KLK6: variants seen among roughly 807,000 people sequenced by gnomAD.
KLK6 encodes the protein kallikrein related peptidase 6.
In KLK6, 16 loss-of-function variants were observed where a neutral mutation model predicts 21.7. The observed-to-expected ratio is 0.74, with a 90% CI of 0.50 to 1.12. The LOEUF is 1.12. Ranked by LOEUF, KLK6 falls within the 50% of genes most tolerant of loss-of-function variation. KLK6 has a pLI of 0.00. For synonymous variants in KLK6, 116 were observed against 120.1 expected (o/e 0.97, Z 0.22); for missense variants, 276 against 304.6 (o/e 0.91, Z 0.70).
chr19:50,963,013 C>A (rs567757388), intron 5 of KLK6, among the ~76,000 whole-genome samples: 1 of 152,220 alleles, frequency 6.6e-6, no homozygotes, highest in East Asian at 1.9e-4. Context: ...TCCTGATTAG[C>A]ATCTCCCCAC....
At chr19:50,965,032 A>G (rs2090903102) in intron 4 of KLK6, among the ~76,000 whole-genome samples, 1 of 152,120 alleles carries the variant, frequency 6.6e-6, no homozygotes, top group East Asian at 1.9e-4. Flanking sequence ...CATCTAAAGT[A>G]GGTACCCGTA....
rs369382468 is a variant in KLK6, at chr19:50,967,294, A to G, written c.72T>C (p.His24=). 1.9e-6 allele frequency: 3 copies of G among 1,613,052 alleles called. No individual in the cohort carries two copies. In the African/African-American group the frequency reaches 4.0e-5, roughly 22 times the overall value. ...GAGATGTCTTGTCGCAGGGTCCGCC[A>G]TGCACCAACTTATTCTGCTCCTCTG... ...AWAEEQNKLV[H]GGPCDKTSHP... is the part of the protein sequence containing the mutation. The change falls in exon 4 of 7, where the codon CAT becomes CAC. Residue 24 remains histidine (H), a synonymous_variant. Transcript: ENST00000310157.
At chr19:50,965,040 G>T (rs761517672) in intron 4 of KLK6, among the ~76,000 whole-genome samples, 1 of 152,060 alleles carries the variant, frequency 6.6e-6, no homozygotes, top group Middle Eastern at 3.2e-3. Context: ...GTAGGTACCC[G>T]TATTCTTTTC....
intron 6 of KLK6, 36 bp from the exon 7 acceptor site, chr19:50,959,352 A>G (rs2090768779): frequency 6.3e-7 from 1 of 1,592,420 alleles, no homozygotes; most frequent in Admixed American, 1.7e-5. Flanking sequence ...ATACAGATAG[A>G]AACCCAGAGA....
intron 3 of KLK6, among the ~76,000 whole-genome samples, chr19:50,967,552 A>ACACACACACACACACACACACAC (rs1555781654): frequency 2.0e-5 from 1 of 50,616 alleles, no homozygotes; most frequent in Non-Finnish European, 3.8e-5. Context: ...CACACACACA[A>ACACACACACACACACACACACAC]ATTAGCAGGG....
Position 50,963,293 on chromosome 19 carries a change from A to G in KLK6, c.445+9T>C. On this transcript the variant is annotated intron_variant, in intron 5 of 6. Coordinates refer to ENST00000310157, the MANE Select transcript of KLK6 (RefSeq NM_002774.4). ...GTAGCCTGCTCCCCACCAGCCTCCC[A>G]CTACTGACCATCTGCTGTCTTGCCC... is the stretch of plus-strand genomic sequence containing the variant. 1.2e-5 allele frequency: 20 copies of G among 1,609,440 alleles called. No homozygotes were observed. The highest frequency in any genetic ancestry group is 1.5e-5 in the Non-Finnish European group (18 of 1,176,470).
intron 4 of KLK6, among the ~76,000 whole-genome samples, chr19:50,966,158 G>A (rs556140816): frequency 4.6e-5 from 7 of 152,220 alleles, no homozygotes; most frequent in African/African-American, 1.4e-4. Context: ...ACTCATCGTG[G>A]CTAAAGCAAA....
At chr19:50,967,098 T>A (rs1176597008) in intron 4 of KLK6, 71 bp downstream of exon 4, 3 of 1,560,948 alleles carry the variant, frequency 1.9e-6, no homozygotes, top group Non-Finnish European at 2.6e-6. Context: ...CTATGTCACC[T>A]CCTGCCTGAC....
chr19:50,959,099 G>A lies in KLK6; in HGVS notation c.*65C>T, dbSNP rs777130131. Reference sequence around the variant, plus strand: ...GGAGAGGAGGGGAGGCAAGGTCTAGGTGAGAGACGTTCTGGAACCAGCCAG... The same window carrying A: ...GGAGAGGAGGGGAGGCAAGGTCTAGATGAGAGACGTTCTGGAACCAGCCAG... On this transcript the variant is annotated 3_prime_UTR_variant, in exon 7 of 7. Coordinates refer to ENST00000310157, the MANE Select transcript of KLK6 (RefSeq NM_002774.4). 8 of 1,583,000 alleles carry A rather than the reference G, an allele frequency of 5.1e-6. No homozygotes were observed. The highest frequency in any genetic ancestry group is 6.9e-6 in the Non-Finnish European group (8 of 1,153,488).
In KLK6 at chr19:50,959,333, G is replaced by A. The variant is rs199969405; in HGVS notation, c.583-17C>T. On this transcript the variant is annotated splice_polypyrimidine_tract_variant and intron_variant, in intron 6 of 6. Transcript: ENST00000310157. ...AGAATCACCCTGCAGGAAAGAGGGA[G>A]AAAGTCAGATACAGATAGAAACCCA... 6.2e-7 allele frequency: 1 copy of A among 1,612,112 alleles called. No homozygotes were observed. The highest frequency in any genetic ancestry group is 2.2e-5 in the East Asian group (1 of 44,814).
chr19:50,968,005 C>A, intron 3 of KLK6, 60 bp downstream of exon 3: 1 of 1,471,766 alleles, frequency 6.8e-7, no homozygotes, highest in Non-Finnish European at 9.5e-7. Context: ...CCAGCCTCTT[C>A]TCCATCAACA....
At chr19:50,959,969 G>C (rs1206674436) in intron 6 of KLK6, among the ~76,000 whole-genome samples, 4 of 92,766 alleles carry the variant, frequency 4.3e-5, no homozygotes, top group African/African-American at 1.5e-4. Flanking sequence ...AAGAGGAGGA[G>C]GAGGAAGAGG....
rs771069922 is a variant in KLK6, at chr19:50,963,446, C to T, written c.301G>A (p.Ala101Thr). 34 of 1,613,324 alleles carry T rather than the reference C, an allele frequency of 2.1e-5. No homozygotes were observed. In the Middle Eastern group the frequency reaches 4.9e-4, roughly 23 times the overall value. ...RAVIHPDYDA[A>T]SHDQDIMLLR... is the part of the protein sequence containing the mutation. ...AGCATGATGTCCTGGTCATGGCTGG[C>T]GGCATCATAGTCAGGGTGGATCACA... The change falls in exon 5 of 7, where the codon GCC becomes ACC. Residue 101 changes from alanine to threonine, a missense_variant. Ala to Thr is a moderately conservative substitution (Grantham distance 58). Coordinates refer to ENST00000310157, the MANE Select transcript of KLK6 (RefSeq NM_002774.4).
At chr19:50,960,756 G>A (rs1469932154) in intron 6 of KLK6, among the ~76,000 whole-genome samples, 10 of 151,534 alleles carry the variant, frequency 6.6e-5, no homozygotes, top group South Asian at 2.1e-4. Flanking sequence ...CCATGCTTGC[G>A]TAATTTTTGT....
intron 6 of KLK6, among the ~76,000 whole-genome samples, chr19:50,960,770 T>G (rs79152451): frequency 0.05 from 7,661 of 151,916 alleles, 529 homozygotes; most frequent in East Asian, 0.34. Flanking sequence ...TTTTTGTTTT[T>G]TGGTTTTTTT....
intron 4 of KLK6, among the ~76,000 whole-genome samples, chr19:50,965,006 C>T (rs1600095481): frequency 6.6e-6 from 1 of 152,168 alleles, no homozygotes; most frequent in Non-Finnish European, 1.5e-5. Context: ...TTAGAAAGTC[C>T]TTCCTGACCC....
intron 6 of KLK6, among the ~76,000 whole-genome samples, chr19:50,960,179 A>C (rs2090819297): frequency 6.8e-6 from 1 of 147,864 alleles, no homozygotes; most frequent in African/African-American, 2.5e-5. Context: ...CCCAGGTGGG[A>C]GAGGTAGGGA....
At position 50,968,050 on chromosome 19, in the gene KLK6, A is replaced by G; in HGVS notation, c.40+15T>C. Reference sequence around the variant, plus strand: ...CTGTCTGCAAGCCTCCCCCATCCAAATGCCCTTTCCCCACCTGCAGCAATC... The same window carrying G: ...CTGTCTGCAAGCCTCCCCCATCCAAGTGCCCTTTCCCCACCTGCAGCAATC... On this transcript the variant is annotated intron_variant, in intron 3 of 6. Transcript: ENST00000310157. The G allele has an allele frequency of 6.2e-7, 1 of 1,613,040 alleles. No individual in the cohort carries two copies. The highest frequency in any genetic ancestry group is 8.5e-7 in the Non-Finnish European group (1 of 1,179,374).
intron 3 of KLK6, 146 bp downstream of exon 3, chr19:50,967,919 C>A: frequency 1.4e-6 from 1 of 701,664 alleles, no homozygotes; most frequent in South Asian, 1.7e-5. Context: ...ATTCCCCACC[C>A]TTAGCCTAAT....
Sources: allele counts gnomAD v4.1 joint callset (sites outside exome capture counted in the v4.1 genomes callset), GRCh38; gene constraint gnomAD v4.1.1; transcripts MANE v1.5; gene names NCBI Gene and HGNC (gene_info 2026-07-23, HGNC 2026-07-21).